Variants in DNAJB5 observed in about 807,000 individuals in gnomAD.
DNAJB5 encodes dnaJ homolog subfamily B member 5.
A neutral mutation model predicts 32.6 loss-of-function variants in DNAJB5; 12 were observed. That is an observed-to-expected ratio of 0.37 (90% CI 0.24 to 0.60). The LOEUF (loss-of-function observed/expected upper bound fraction) is 0.60. DNAJB5 is among the 20% of genes least tolerant of loss of function. DNAJB5 has a pLI of 0.71. For synonymous variants in DNAJB5, 188 were observed against 212.9 expected (o/e 0.88, Z 1.02); for missense variants, 358 against 554.2 (o/e 0.65, Z 3.55).
rs181056420 is a variant in DNAJB5 at position 34,997,706 on chromosome 9, A to C, written c.*447A>C. On this transcript the variant is annotated 3_prime_UTR_variant, in exon 5 of 5. Coordinates refer to ENST00000682809, the MANE Select transcript of DNAJB5 (RefSeq NM_001349723.3). This position sits in a 1 kb window ranked among gnomAD's most constrained non-coding sequence, Gnocchi z 4.1. Reference sequence around the variant, plus strand: ...ACATTGCTTTCTCAGCCCCACCCCCAGGTCCACAGTGTCCAAGGTAATGGC... The same window carrying C: ...ACATTGCTTTCTCAGCCCCACCCCCCGGTCCACAGTGTCCAAGGTAATGGC... The C allele has an allele frequency of 4.7e-3, 1,591 of 341,000 alleles. 21 individuals carry two copies. The highest frequency in any genetic ancestry group is 0.031 in the African/African-American group (1,443 of 46,762). The allele number at this position is 341,000 out of a possible 1,614,324, so 21.1% of individuals were successfully genotyped here.
chr9:34,989,869 CG>C (rs1827570501), intron 1 of DNAJB5, 38 bp downstream of exon 1: 1 of 1,236,826 alleles, frequency 8.1e-7, no homozygotes, highest in South Asian at 3.9e-5. Context: ...GTCCCGGGAG[CG>C]GGGCGTCGTG....
intron 2 of DNAJB5, chr9:34,992,720 G>C: frequency 1.1e-6 from 1 of 935,858 alleles, no homozygotes; most frequent in Non-Finnish European, 1.3e-6. Flanking sequence ...GAAGACCCAG[G>C]CCTGTTCCCG....
rs1310974841 is a variant in DNAJB5 at position 34,990,063 on chromosome 9, G to T, written c.-133+232G>T. ...GGGGAGGGGAGGGTCGAGTCGGACC[G>T]GACCAGATTGGGTTCTGTGGGGCGG... On this transcript the variant is annotated intron_variant, in intron 1 of 4. Coordinates refer to ENST00000682809, the MANE Select transcript of DNAJB5 (RefSeq NM_001349723.3). The surrounding 1 kb of genome is among the most constrained non-coding windows in gnomAD (Gnocchi z 4.5). Among the ~76,000 whole-genome samples the T allele has an allele frequency of 1.3e-5, 2 of 151,942 alleles. No individual in the cohort carries two copies. Among genetic ancestry groups the T allele is most frequent in the African/African-American group, 4.8e-5 (2 of 41,366 alleles).
At position 34,996,166 on chromosome 9, in the gene DNAJB5, T is replaced by A; in HGVS notation, c.428-99T>A. The A allele has an allele frequency of 1.3e-6, 2 of 1,485,120 alleles. No homozygotes were observed. The highest frequency in any genetic ancestry group is 2.8e-5 in the South Asian group (2 of 71,914). The allele number at this position is 1,485,120 out of a possible 1,614,324, so 92.0% of individuals were successfully genotyped here. On this transcript the variant is annotated intron_variant, in intron 3 of 4. Coordinates refer to ENST00000682809, the MANE Select transcript of DNAJB5 (RefSeq NM_001349723.3). This position sits in a 1 kb window ranked among gnomAD's most constrained non-coding sequence, Gnocchi z 7.2. ...TCTGTGGGATTTAAAGGTTGCTTCT[T>A]TCTTTAAGCCTGTGAACTGGGAGCT...
chr9:34,997,064 C>T lies in DNAJB5; in HGVS notation c.1068C>T (p.Asp356=), dbSNP rs201841769. ...GCACTGTGAACATTCCCACTATCGA[C>T]GGCCGAGTGATCCCTTTGCCCTGCA... ...CGCTVNIPTI[D]GRVIPLPCND... is the part of the protein sequence containing the mutation. Residue 356 remains aspartate, a synonymous_variant, in exon 5 of 5, where the codon GAC becomes GAT. Transcript: ENST00000682809. This position sits in a 1 kb window ranked among gnomAD's most constrained non-coding sequence, Gnocchi z 4.1. 2.9e-5 allele frequency: 47 copies of T among 1,613,902 alleles called. No individual in the cohort carries two copies. The highest frequency in any genetic ancestry group is 3.5e-5 in the Non-Finnish European group (41 of 1,180,050).
rs533709239 is a variant in DNAJB5 at position 34,993,306 on chromosome 9, C to A, written c.289C>A (p.Arg97=). ...ANEDEIKKAY[R]KMALKYHPDK... is the part of the protein sequence containing the mutation. ...CGAGGATGAGATCAAGAAAGCCTAC[C>A]GGAAGATGGCCTTGAAGTACCACCC... The change falls in exon 3 of 5, where the codon CGG becomes AGG. Residue 97 remains arginine (R), a synonymous_variant. Coordinates refer to ENST00000682809, the MANE Select transcript of DNAJB5 (RefSeq NM_001349723.3). The surrounding 1 kb of genome is among the most constrained non-coding windows in gnomAD (Gnocchi z 4.7). The A allele has an allele frequency of 6.8e-6, 11 of 1,614,084 alleles. No homozygotes were observed. In the South Asian group the frequency reaches 9.9e-5, roughly 14 times the overall value.
chr9:34,995,375 C>G (rs1440868338), intron 3 of DNAJB5, among the ~76,000 whole-genome samples: 1 of 152,164 alleles, frequency 6.6e-6, no homozygotes, highest in African/African-American at 2.4e-5. Flanking sequence ...GCCAGCACCC[C>G]CTCCTGTGCA....
chr9:34,989,958 G>A (rs528934233), intron 1 of DNAJB5, 127 bp downstream of exon 1: 1 of 1,114,462 alleles, frequency 9.0e-7, no homozygotes, highest in Non-Finnish European at 1.2e-6. Flanking sequence ...GCGGGGCCCC[G>A]GGGTCTGCAG....
intron 2 of DNAJB5, chr9:34,992,855 C>T (rs1039918314): frequency 9.0e-6 from 10 of 1,105,734 alleles, no homozygotes; most frequent in African/African-American, 3.3e-5. Context: ...GTGTGTGGGT[C>T]GCTCAGTCCA....
At position 34,996,587 on chromosome 9, in the gene DNAJB5, C is replaced by G. The variant is rs530708601; in HGVS notation, c.750C>G (p.Ser250=). The G allele has an allele frequency of 4.3e-6, 7 of 1,614,130 alleles. No individual in the cohort carries two copies. In the African/African-American group the frequency reaches 6.7e-5, roughly 15 times the overall value. Residue 250 remains serine (S), a synonymous_variant, in exon 4 of 5, where the codon TCC becomes TCG. Transcript: ENST00000682809. The surrounding 1 kb of genome is among the most constrained non-coding windows in gnomAD (Gnocchi z 7.2). ...DPPVVHELRV[S]LEEIYHGSTK... ...CAGTGGTGCACGAGCTGCGGGTGTC[C>G]CTGGAGGAGATCTACCATGGCTCCA...
chr9:34,991,778 C>T (rs966017728), intron 2 of DNAJB5: 4 of 221,864 alleles, frequency 1.8e-5, no homozygotes, highest in African/African-American at 7.0e-5. Context: ...GGGGAGTACC[C>T]GCCTTTGTGG....
Position 34,997,622 on chromosome 9 carries a change from A to G in DNAJB5, c.*363A>G. ...TCCTCCTCCCCTCAGCTTTGCTAAT[A>G]CCAGTCCCCTCCCTTCCCTTTGGCT... On this transcript the variant is annotated 3_prime_UTR_variant, in exon 5 of 5. Transcript: ENST00000682809. The surrounding 1 kb of genome is among the most constrained non-coding windows in gnomAD (Gnocchi z 4.1). The G allele has an allele frequency of 2.7e-6, 1 of 376,798 alleles. No individual in the cohort carries two copies. Among genetic ancestry groups the G allele is most frequent in the Admixed American group, 3.7e-5 (1 of 27,174 alleles). 23.3% of individuals were successfully genotyped at this position (376,798 alleles called of 1,614,324 possible). A position where few individuals can be genotyped will look rare whatever the true frequency, so the allele number is the denominator to read the frequency against.
Position 34,993,147 on chromosome 9 carries a change from C to G in DNAJB5, c.183-53C>G, listed in dbSNP as rs976439417. 4 of 1,549,860 alleles carry G rather than the reference C, an allele frequency of 2.6e-6. No homozygotes were observed. Among genetic ancestry groups the G allele is most frequent in the Admixed American group, 2.1e-5 (1 of 46,904 alleles). ...TTAGGGATTGCAAGATCATCAGGAA[C>G]AGGGCTGGGGCAGAAGAGAAGGCAT... On this transcript the variant is annotated intron_variant, in intron 2 of 4. Transcript: ENST00000682809. This position sits in a 1 kb window ranked among gnomAD's most constrained non-coding sequence, Gnocchi z 4.7.
chr9:34,991,937 A>C, intron 2 of DNAJB5: 1 of 158,256 alleles, frequency 6.3e-6, no homozygotes, highest in Non-Finnish European at 1.4e-5. Flanking sequence ...TACAGGCCTC[A>C]CTCCTGGAAG....
At chr9:34,992,346 G>C (rs1245232422) in intron 2 of DNAJB5, 1 of 152,220 alleles carries the variant, frequency 6.6e-6, no homozygotes, top group African/African-American at 2.4e-5. Flanking sequence ...AGGAAATGGT[G>C]GTTGGTTAGT....
chr9:34,998,470 TGAG>T (rs1483978567), downstream of DNAJB5: 1 of 152,296 alleles, frequency 6.6e-6, no homozygotes. Flanking sequence ...TGGGGGTGGC[TGAG>T]GAGGGCCACT....
At chr9:34,991,290 G>A (rs1827621183) in intron 2 of DNAJB5, 1 of 456,468 alleles carries the variant, frequency 2.2e-6, no homozygotes, top group Non-Finnish European at 4.4e-6. Context: ...ATTCCAACAC[G>A]TGGCCTGTGG....
intron 2 of DNAJB5, chr9:34,991,578 G>GTGGGACTGAGGCA: frequency 2.8e-6 from 1 of 362,202 alleles, no homozygotes; most frequent in Non-Finnish European, 5.6e-6. Flanking sequence ...CAGTCCCAGG[G>GTGGGACTGAGGCA]GAAAGAAGGT....
At position 34,997,531 on chromosome 9, in the gene DNAJB5, GGAGA is replaced by G; in HGVS notation, c.*274_*277del. On this transcript the variant is annotated 3_prime_UTR_variant, in exon 5 of 5. Transcript: ENST00000682809. This position sits in a 1 kb window ranked among gnomAD's most constrained non-coding sequence, Gnocchi z 4.1. ...CAATCCAGTTTCCACTGCAGTGGCT[GGAGA>G]GTGACCTGAGTGCTACTTGAAGATA... is the stretch of plus-strand genomic sequence containing the variant. 1 of 587,344 alleles carries G rather than the reference GGAGA, an allele frequency of 1.7e-6. No individual in the cohort carries two copies. Among genetic ancestry groups the G allele is most frequent in the Non-Finnish European group, 3.1e-6 (1 of 319,452 alleles). 36.4% of individuals were successfully genotyped at this position (587,344 alleles called of 1,614,324 possible). A position where few individuals can be genotyped will look rare whatever the true frequency, so the allele number is the denominator to read the frequency against.
Sources: allele counts gnomAD v4.1 joint callset (sites outside exome capture counted in the v4.1 genomes callset), GRCh38; gene constraint gnomAD v4.1.1; non-coding constraint Gnocchi (gnomAD v3.1); transcripts MANE v1.5; gene names NCBI Gene and HGNC (gene_info 2026-07-23, HGNC 2026-07-21).